Variants in TET1 observed in about 807,000 individuals in gnomAD.
The protein encoded by TET1 is tet methylcytosine dioxygenase 1.
Under a neutral mutation model 148.7 loss-of-function variants are expected in TET1, and 13 were observed. The observed-to-expected ratio is 0.09, with a 90% CI of 0.06 to 0.14. The LOEUF (loss-of-function observed/expected upper bound fraction) is 0.14, where lower values mean the gene tolerates loss of function less well. Among genes scored for constraint, TET1 ranks in the 10% least tolerant of loss-of-function variants. The pLI is 1.00. For missense variants in TET1, 2,182 were observed against 2,553.8 expected (o/e 0.85, Z 3.14); for synonymous variants, 907 against 937.2 (o/e 0.97, Z 0.59).
At chr10:68,594,979 T>A (rs2053961039) in intron 2 of TET1, among the ~76,000 whole-genome samples, 1 of 75,290 alleles carries the variant, frequency 1.3e-5, no homozygotes, top group African/African-American at 5.1e-5. Flanking sequence ...AGACACCATC[T>A]CAAAAAAAAA....
At chr10:68,674,709 C>T (rs974421875) in intron 8 of TET1, 53 of 479,304 alleles carry the variant, frequency 1.1e-4, no homozygotes, top group Non-Finnish European at 2.8e-5. Flanking sequence ...ACTACCGGTG[C>T]TTACTTGCTT....
At chr10:68,640,568 T>TTTTTTTTTTC (rs1564985292) in intron 3 of TET1, among the ~76,000 whole-genome samples, 2 of 109,184 alleles carry the variant, frequency 1.8e-5, no homozygotes, top group Admixed American at 1.0e-4. Flanking sequence ...TTTTTTTTTT[T>TTTTTTTTTTC]TGAGATGGAG....
At chr10:68,676,382 C>A (rs775884676) in intron 8 of TET1, among the ~76,000 whole-genome samples, 4 of 145,148 alleles carry the variant, frequency 2.8e-5, no homozygotes, top group Non-Finnish European at 4.5e-5. Context: ...CTCCCAGGTT[C>A]ACGCCATTCT....
At chr10:68,669,106 A>G (rs1451759983) in intron 7 of TET1, among the ~76,000 whole-genome samples, 1 of 152,142 alleles carries the variant, frequency 6.6e-6, no homozygotes, top group African/African-American at 2.4e-5. Context: ...AAAACCAGGC[A>G]TAGTGGTGTG....
At position 68,593,972 on chromosome 10, in the gene TET1, C is replaced by T. The variant is rs181693606; in HGVS notation, c.1915-7009C>T. Among the ~76,000 whole-genome samples, 24 of 128,472 alleles carry T rather than the reference C, an allele frequency of 1.9e-4. No homozygotes were observed. The East Asian group carries it at 5.6e-3, about 30-fold the overall frequency. The allele number at this position is 128,472 out of a possible 152,430, so 84.3% of individuals were successfully genotyped here. On this transcript the variant is annotated intron_variant, in intron 2 of 11. Transcript: ENST00000373644. ...ACAGAGTCTCTCTCTGTTGCCCAGGCTGGAATGCAGTTGCAAGATCCCAGC... is the reference window on the plus strand; with the variant it reads ...ACAGAGTCTCTCTCTGTTGCCCAGGTTGGAATGCAGTTGCAAGATCCCAGC...
At position 68,691,851 on chromosome 10, in the gene TET1, AG is replaced by A. The variant is rs2055599853; in HGVS notation, c.*38del. ...CCCCTCTTAATGCCTTTGCTAGTGC[AG>A]TGTATTTTTTCAAGGTGCTGTTAAA... On this transcript the variant is annotated 3_prime_UTR_variant, in exon 12 of 12. Coordinates refer to ENST00000373644, the MANE Select transcript of TET1 (RefSeq NM_030625.3). The surrounding 1 kb of genome is among the most constrained non-coding windows in gnomAD (Gnocchi z 4.4). The A allele has an allele frequency of 2.6e-6, 4 of 1,549,516 alleles. No homozygotes were observed. Among genetic ancestry groups the A allele is most frequent in the Non-Finnish European group, 2.6e-6 (3 of 1,150,904 alleles).
intron 4 of TET1, among the ~76,000 whole-genome samples, chr10:68,649,407 C>T (rs2054898242): frequency 1.3e-5 from 2 of 151,992 alleles, no homozygotes; most frequent in Non-Finnish European, 2.9e-5. Flanking sequence ...GGAGATGAGA[C>T]CATCCTGGCT....
chr10:68,655,303 CA>C lies in TET1; in HGVS notation c.4461+2710del, dbSNP rs1193904464. The stretch of plus-strand genomic sequence containing the variant: ...CCCTGCTACTTATATATTTCTCAAA[CA>C]GTATAGTTTTATTTTGTTTTGTTCT... On this transcript the variant is annotated intron_variant, in intron 6 of 11. Coordinates refer to ENST00000373644, the MANE Select transcript of TET1 (RefSeq NM_030625.3). Among the ~76,000 whole-genome samples the C allele has an allele frequency of 1.2e-4, 19 of 152,318 alleles. No individual in the cohort carries two copies. The South Asian group carries it at 1.9e-3, about 15-fold the overall frequency.
intron 3 of TET1, among the ~76,000 whole-genome samples, chr10:68,606,237 G>C (rs533798412): frequency 6.6e-6 from 1 of 151,312 alleles, no homozygotes; most frequent in South Asian, 2.1e-4. Flanking sequence ...TGTGGTGGCA[G>C]GTGCCTGTAA....
chr10:68,677,751 G>T (rs1467826865), intron 8 of TET1, among the ~76,000 whole-genome samples: 2 of 152,038 alleles, frequency 1.3e-5, no homozygotes, highest in Non-Finnish European at 1.5e-5. Context: ...CTCCCAAGTA[G>T]CTGGGATTAC....
At chr10:68,580,673 T>C (rs1353495936) in intron 2 of TET1, among the ~76,000 whole-genome samples, 2 of 150,706 alleles carry the variant, frequency 1.3e-5, no homozygotes, top group African/African-American at 2.4e-5. Context: ...TCTCAGCTAT[T>C]TGGGAGGCTG....
intron 1 of TET1, among the ~76,000 whole-genome samples, chr10:68,561,557 G>A (rs1319174318): frequency 6.6e-6 from 1 of 152,142 alleles, no homozygotes; most frequent in East Asian, 1.9e-4. Flanking sequence ...CCCGAGGGTG[G>A]GAGGTGCGCG....
At chr10:68,618,934 T>C (rs2132958613) in intron 3 of TET1, among the ~76,000 whole-genome samples, 1 of 152,264 alleles carries the variant, frequency 6.6e-6, no homozygotes, top group Non-Finnish European at 1.5e-5. Context: ...GCCACGTCAC[T>C]CCAGCTTGGG....
rs765874881 is a variant in TET1, at chr10:68,645,077, G to T, written c.2348G>T (p.Gly783Val). 1 of 1,612,350 alleles carries T rather than the reference G, an allele frequency of 6.2e-7. No homozygotes were observed. The highest frequency in any genetic ancestry group is 1.7e-5 in the Admixed American group (1 of 59,648). ...AAAAAATTCAATATTGAAGAATTCG[G>T]CAAGACATTGGAAAACAATTCTTAT... Reference protein sequence around the residue: ...SFKKFNIEEFGKTLENNSYKF... With the variant: ...SFKKFNIEEFVKTLENNSYKF... The change falls in exon 4 of 12, where the codon GGC becomes GTC. Residue 783 changes from glycine to valine, a missense_variant. Around this residue, in one of 11 missense-constraint regions of TET1, gnomAD observed 226 missense variants for 307.4 expected, o/e 0.74. Coordinates refer to ENST00000373644, the MANE Select transcript of TET1 (RefSeq NM_030625.3).
chr10:68,561,763 A>G (rs2053557442), intron 1 of TET1, among the ~76,000 whole-genome samples: 1 of 140,622 alleles, frequency 7.1e-6, no homozygotes, highest in Admixed American at 7.7e-5. Flanking sequence ...ATATATATAT[A>G]TATTCTACAA....
rs150286065 is a variant in TET1, at chr10:68,630,516, T to C, written c.1969-14182T>C. On this transcript the variant is annotated intron_variant, in intron 3 of 11. Coordinates refer to ENST00000373644, the MANE Select transcript of TET1 (RefSeq NM_030625.3). ...TATTAGTAGAGATGGGGTTTCACCA[T>C]GTTGGCCAGGTTGGTCTCAAACTGC... Among the ~76,000 whole-genome samples the C allele has an allele frequency of 2.7e-3, 409 of 152,302 alleles. 2 individuals are homozygous for C. The highest frequency in any genetic ancestry group is 9.0e-3 in the African/African-American group (374 of 41,562).
At chr10:68,677,160 G>T (rs1478716347) in intron 8 of TET1, among the ~76,000 whole-genome samples, 2 of 152,194 alleles carry the variant, frequency 1.3e-5, no homozygotes, top group Non-Finnish European at 2.9e-5. Flanking sequence ...GAAAGTTGGA[G>T]AAAGCTTTAG....
chr10:68,633,536 C>A (rs1050324327), intron 3 of TET1, among the ~76,000 whole-genome samples: 7 of 152,036 alleles, frequency 4.6e-5, no homozygotes, highest in African/African-American at 1.7e-4. Context: ...CATGCATCAC[C>A]ATGCCTGGCT....
intron 3 of TET1, among the ~76,000 whole-genome samples, chr10:68,631,433 C>CTTTTTTTTTTTTTTTTTTTTT (rs546257824): frequency 2.7e-5 from 3 of 110,588 alleles, no homozygotes; most frequent in South Asian, 3.2e-4. Flanking sequence ...TTTCTTTCTT[C>CTTTTTTTTTTTTTTTTTTTTT]TTTTTTTTTT....
Sources: allele counts gnomAD v4.1 joint callset (sites outside exome capture counted in the v4.1 genomes callset), GRCh38; gene constraint gnomAD v4.1.1; regional missense constraint gnomAD v4.1.1; non-coding constraint Gnocchi (gnomAD v3.1); transcripts MANE v1.5; gene names NCBI Gene and HGNC (gene_info 2026-07-23, HGNC 2026-07-21).